Variants in ENO4 observed in about 807,000 individuals in gnomAD.
The protein encoded by ENO4 is enolase 4.
ENO4 carries 53 observed loss-of-function variants against 63.2 expected under a neutral mutation model. The observed-to-expected ratio is 0.84, with a 90% CI of 0.67 to 1.05. The LOEUF is 1.05. Among genes scored for constraint, ENO4 ranks in the 50% least tolerant of loss-of-function variants. The pLI, the probability that ENO4 is intolerant of heterozygous loss-of-function variation, is 0.00. For missense variants in ENO4, 719 were observed against 772.0 expected (o/e 0.93, Z 0.81); for synonymous variants, 266 against 283.8 (o/e 0.94, Z 0.63).
intron 10 of ENO4, chr10:116,902,042 C>T: frequency 7.9e-7 from 1 of 1,265,856 alleles, no homozygotes; most frequent in East Asian, 2.8e-5. Context: ...AGCTGAAAAT[C>T]CCTCAAGAAG....
At chr10:116,862,754 T>C (rs968614317) in intron 6 of ENO4, 45 bp from the exon 7 acceptor site, 87 of 1,467,894 alleles carry the variant, frequency 5.9e-5, no homozygotes, top group Non-Finnish European at 7.7e-5. Flanking sequence ...ATACTTAAAT[T>C]TTCTAGTCTG....
chr10:116,867,469 G>T (rs1400798338), intron 7 of ENO4, among the ~76,000 whole-genome samples: 14 of 149,954 alleles, frequency 9.3e-5, no homozygotes, highest in Non-Finnish European at 1.8e-4. Flanking sequence ...CACGCTTGTT[G>T]TCCCAGTTAC....
intron 9 of ENO4, among the ~76,000 whole-genome samples, 168 bp downstream of exon 9, chr10:116,871,460 G>A (rs1846693905): frequency 6.6e-6 from 1 of 152,026 alleles, no homozygotes; most frequent in Non-Finnish European, 1.5e-5. Flanking sequence ...ATTAGCTAAT[G>A]ACCACAGAAT....
downstream of ENO4, chr10:116,883,832 C>A: frequency 5.6e-6 from 1 of 177,088 alleles, no homozygotes; most frequent in Non-Finnish European, 1.2e-5. Context: ...TGTTCAGCTG[C>A]TGAAACTGCT....
rs536700484 is a variant in ENO4, at chr10:116,851,292, A to T, written c.165+1561A>T. Among the ~76,000 whole-genome samples the T allele has an allele frequency of 1.2e-3, 184 of 152,342 alleles. 3 individuals carry two copies. Among genetic ancestry groups the T allele is most frequent in the Non-Finnish European group, 1.3e-4 (9 of 68,024 alleles). On this transcript the variant is annotated intron_variant, in intron 1 of 13. Transcript: ENST00000341276. ...GTGCTAGATTGAGGGGCAGATCCCT[A>T]TATGCCTATTAAAGGAATTCAGGGA...
At chr10:116,889,087 T>C (rs1203526528) in intron 10 of ENO4, among the ~76,000 whole-genome samples, 1 of 152,210 alleles carries the variant, frequency 6.6e-6, no homozygotes, top group Non-Finnish European at 1.5e-5. Flanking sequence ...CATCAACCCA[T>C]ACTAACCTTC....
intron 3 of ENO4, among the ~76,000 whole-genome samples, chr10:116,857,181 C>T (rs1272550936): frequency 6.6e-6 from 1 of 152,094 alleles, no homozygotes; most frequent in Non-Finnish European, 1.5e-5. Context: ...TACTATGTAA[C>T]ACTACATAGG....
intron 10 of ENO4, among the ~76,000 whole-genome samples, chr10:116,892,027 T>C (rs1049800741): frequency 2.6e-5 from 4 of 152,198 alleles, no homozygotes; most frequent in Non-Finnish European, 5.9e-5. Flanking sequence ...CATCAGCCTC[T>C]AGATGCTGAT....
At chr10:116,896,686 T>TA (rs1847532713) in intron 10 of ENO4, among the ~76,000 whole-genome samples, 1 of 152,142 alleles carries the variant, frequency 6.6e-6, no homozygotes, top group African/African-American at 2.4e-5. Context: ...ACTATTCTCT[T>TA]AGAGGACCAG....
At chr10:116,875,536 G>A (rs1263046533) in intron 10 of ENO4, among the ~76,000 whole-genome samples, 1 of 145,804 alleles carries the variant, frequency 6.9e-6, no homozygotes, top group Admixed American at 7.0e-5. Flanking sequence ...GTAGAGATGG[G>A]GTCTTGCCAC....
intron 10 of ENO4, among the ~76,000 whole-genome samples, chr10:116,904,977 G>A (rs1403595440): frequency 3.3e-5 from 5 of 151,714 alleles, no homozygotes; most frequent in African/African-American, 1.2e-4. Flanking sequence ...CGAGGCGGGT[G>A]GATCATGAGG....
At chr10:116,884,196 C>T (rs1469359594), downstream of ENO4, 2 of 456,778 alleles carry the variant, frequency 4.4e-6, no homozygotes, top group South Asian at 1.5e-5. Context: ...TATGAACATA[C>T]CTTGCAGATA....
intron 13 of ENO4, 93 bp from the exon 14 acceptor site, chr10:116,881,422 A>T (rs774436165): frequency 3.2e-6 from 3 of 950,582 alleles, no homozygotes; most frequent in Non-Finnish European, 4.6e-6. Flanking sequence ...ACACCTTTGG[A>T]CTAGTACTGA....
At chr10:116,886,789 A>C (rs1847178345), downstream of ENO4, among the ~76,000 whole-genome samples, 1 of 152,238 alleles carries the variant, frequency 6.6e-6, no homozygotes, top group East Asian at 1.9e-4. Context: ...AGGCAGAGAA[A>C]GAGCGATTAA....
intron 7 of ENO4, among the ~76,000 whole-genome samples, chr10:116,867,517 C>T (rs574766902): frequency 5.3e-4 from 80 of 151,824 alleles, no homozygotes; most frequent in African/African-American, 1.7e-3. Context: ...TGAGCTCAGG[C>T]GTTCGAGGCT....
In ENO4 at chr10:116,882,276, T is replaced by C. The variant is rs1317250204; in HGVS notation, c.*607T>C. 6.6e-6 allele frequency: 1 copy of C among 152,072 alleles called. No individual in the cohort carries two copies. Among genetic ancestry groups the C allele is most frequent in the African/African-American group, 2.4e-5 (1 of 41,380 alleles). The allele number at this position is 152,072 out of a possible 1,614,324, so 9.4% of individuals were successfully genotyped here. A position where few individuals can be genotyped will look rare whatever the true frequency, so the allele number is the denominator to read the frequency against. ...TTTTATCTTTGCGAGTCTTCTTAGA[T>C]CCTTTTTGGAGTAAGAATGAGTATA... On this transcript the variant is annotated 3_prime_UTR_variant, in exon 14 of 14. Coordinates refer to ENST00000341276, the MANE Select transcript of ENO4 (RefSeq NM_001242699.2).
At chr10:116,861,551 C>T (rs1043306056) in intron 6 of ENO4, among the ~76,000 whole-genome samples, 5 of 152,184 alleles carry the variant, frequency 3.3e-5, no homozygotes, top group African/African-American at 1.2e-4. Flanking sequence ...TTCCTAGCAG[C>T]CCACTCTGTT....
At chr10:116,893,503 T>A (rs781157429) in intron 10 of ENO4, among the ~76,000 whole-genome samples, 1 of 149,840 alleles carries the variant, frequency 6.7e-6, no homozygotes, top group African/African-American at 2.5e-5. Flanking sequence ...GCTGGTAGTC[T>A]CTTCTCAGAA....
intron 8 of ENO4, among the ~76,000 whole-genome samples, chr10:116,869,109 A>G (rs968861856): frequency 6.6e-6 from 1 of 152,242 alleles, no homozygotes; most frequent in Non-Finnish European, 1.5e-5. Flanking sequence ...TATTCCTTCC[A>G]TCTGGTCCCC....
Sources: allele counts gnomAD v4.1 joint callset (sites outside exome capture counted in the v4.1 genomes callset), GRCh38; gene constraint gnomAD v4.1.1; transcripts MANE v1.5; gene names NCBI Gene and HGNC (gene_info 2026-07-23, HGNC 2026-07-21).